Variants in CALN1 observed in about 807,000 individuals in gnomAD.
CALN1 encodes calcium-binding protein 8.
CALN1 carries 17 observed loss-of-function variants against 30.6 expected under a neutral mutation model. That is an observed-to-expected ratio of 0.56 (90% CI 0.38 to 0.83). The LOEUF (loss-of-function observed/expected upper bound fraction) is 0.83. Ranked by LOEUF, CALN1 falls within the 40% of genes least tolerant of loss-of-function variation. The pLI, the probability that CALN1 is intolerant of heterozygous loss-of-function variation, is 0.00. For missense variants in CALN1, 291 were observed against 354.9 expected (o/e 0.82, Z 1.45); for synonymous variants, 156 against 131.4 (o/e 1.19, Z -1.28).
intron 5 of CALN1, among the ~76,000 whole-genome samples, chr7:71,995,019 ATTTTTT>A (rs1799178421): frequency 2.6e-5 from 4 of 151,924 alleles, no homozygotes; most frequent in Non-Finnish European, 5.9e-5. Flanking sequence ...CACCTGGCTA[ATTTTTT>A]ATATTTTCAG....
At chr7:72,272,866 G>A (rs995411065) in intron 3 of CALN1, among the ~76,000 whole-genome samples, 4 of 152,050 alleles carry the variant, frequency 2.6e-5, no homozygotes, top group African/African-American at 9.7e-5. Flanking sequence ...CCGCAGCCAT[G>A]GGTTGGTATG....
intron 5 of CALN1, among the ~76,000 whole-genome samples, chr7:71,918,758 C>G (rs1048043182): frequency 6.6e-6 from 1 of 152,152 alleles, no homozygotes; most frequent in African/African-American, 2.4e-5. Context: ...TTCCTACTGT[C>G]CACCAAATGC....
chr7:72,047,797 A>G (rs1162232521), intron 4 of CALN1, among the ~76,000 whole-genome samples: 3 of 152,152 alleles, frequency 2.0e-5, no homozygotes, highest in African/African-American at 7.2e-5. Flanking sequence ...AACAGGGGGC[A>G]TGTGGGCACT....
chr7:72,433,122 C>T (rs1438274971), intron 1 of CALN1, among the ~76,000 whole-genome samples: 1 of 152,114 alleles, frequency 6.6e-6, no homozygotes, highest in Non-Finnish European at 1.5e-5. Flanking sequence ...GGTATAATTC[C>T]ATTTTCCTCT....
chr7:72,358,984 T>A (rs1384639247), intron 2 of CALN1, among the ~76,000 whole-genome samples: 2 of 151,360 alleles, frequency 1.3e-5, no homozygotes, highest in Non-Finnish European at 2.9e-5. Context: ...AAAAATTACA[T>A]TGGGTGCTAC....
intron 3 of CALN1, among the ~76,000 whole-genome samples, chr7:72,186,249 T>G (rs1037650065): frequency 2.6e-5 from 4 of 152,142 alleles, no homozygotes; most frequent in African/African-American, 9.7e-5. Context: ...CCTGTTATTT[T>G]AAGCCGCTCA....
At chr7:71,945,549 C>T (rs1796362469) in intron 5 of CALN1, among the ~76,000 whole-genome samples, 1 of 152,138 alleles carries the variant, frequency 6.6e-6, no homozygotes, top group East Asian at 1.9e-4. Flanking sequence ...AACATTGCCG[C>T]CTGAACTCTA....
In CALN1 at chr7:71,908,889, G is replaced by A. The variant is rs145458217; in HGVS notation, c.502-98397C>T. On this transcript the variant is annotated intron_variant, in intron 5 of 6. Coordinates refer to ENST00000395275, the MANE Select transcript of CALN1 (RefSeq NM_031468.4). Reference sequence around the variant, plus strand: ...TGTTCTTAATCTTCTATCCAGGGATGTCCTTTCAGGGATCCAGGGACGTCC... The same window carrying A: ...TGTTCTTAATCTTCTATCCAGGGATATCCTTTCAGGGATCCAGGGACGTCC... Among the ~76,000 whole-genome samples the A allele has an allele frequency of 2.1e-4, 32 of 152,276 alleles. No individual in the cohort carries two copies. The East Asian group carries it at 4.5e-3, about 21-fold the overall frequency.
intron 2 of CALN1, among the ~76,000 whole-genome samples, chr7:72,329,727 G>C (rs1801532505): frequency 6.6e-6 from 1 of 152,166 alleles, no homozygotes; most frequent in Admixed American, 6.5e-5. Context: ...GCTGAGGCAG[G>C]TGGATCACCT....
chr7:72,360,621 T>C (rs778510048), intron 2 of CALN1, among the ~76,000 whole-genome samples: 2 of 149,794 alleles, frequency 1.3e-5, no homozygotes, highest in East Asian at 2.0e-4. Flanking sequence ...TTTTTTATTA[T>C]ACTTTAAGTT....
At chr7:72,192,625 TTTATTATTATTA>T (rs140672013) in intron 3 of CALN1, among the ~76,000 whole-genome samples, 28,045 of 143,574 alleles carry the variant, frequency 0.2, 3,470 homozygotes, top group Middle Eastern at 0.31. Context: ...TCCCATTTCT[TTTATTATTATTA>T]TTATTATTAT....
rs184618369 is a variant in CALN1, at chr7:71,996,781, A to T, written c.501+26876T>A. Among the ~76,000 whole-genome samples the T allele has an allele frequency of 8.7e-3, 1,327 of 152,342 alleles. 11 individuals are homozygous for T. The highest frequency in any genetic ancestry group is 0.025 in the African/African-American group (1,028 of 41,582). The stretch of plus-strand genomic sequence containing the variant: ...TGCACATGTATCCTTAAAATAAAAT[A>T]AAATTAAATTAAAAAAAGAAGTCAC... On this transcript the variant is annotated intron_variant, in intron 5 of 6. Coordinates refer to ENST00000395275, the MANE Select transcript of CALN1 (RefSeq NM_031468.4).
At chr7:72,469,121 C>G in the CALN1 span, among the ~76,000 whole-genome samples, 3 of 152,100 alleles carry the variant, frequency 2.0e-5, no homozygotes, top group Admixed American at 1.3e-4. Context: ...ATCTAAGAAC[C>G]CACTGGTTCA....
chr7:72,483,571 C>T, the CALN1 span, among the ~76,000 whole-genome samples: 1 of 152,156 alleles, frequency 6.6e-6, no homozygotes, highest in Non-Finnish European at 1.5e-5. Flanking sequence ...AGGCGTGAGC[C>T]ACCACACCAA....
At chr7:72,221,216 G>A (rs1793264620) in intron 3 of CALN1, among the ~76,000 whole-genome samples, 1 of 151,786 alleles carries the variant, frequency 6.6e-6, no homozygotes, top group Non-Finnish European at 1.5e-5. Flanking sequence ...AAACAGAACT[G>A]ACCTATCAGG....
chr7:72,288,996 G>T (rs1798290005), intron 2 of CALN1, among the ~76,000 whole-genome samples: 1 of 152,116 alleles, frequency 6.6e-6, no homozygotes, highest in Non-Finnish European at 1.5e-5. Flanking sequence ...TAAATAAGGG[G>T]CTATAAATGG....
intron 4 of CALN1, among the ~76,000 whole-genome samples, chr7:72,092,394 G>C (rs527252484): frequency 1.3e-5 from 2 of 151,900 alleles, no homozygotes; most frequent in Non-Finnish European, 2.9e-5. Context: ...CACTTAAAAA[G>C]TAAGCTGTTC....
intron 5 of CALN1, among the ~76,000 whole-genome samples, chr7:71,938,150 A>T (rs999389975): frequency 6.6e-6 from 1 of 152,204 alleles, no homozygotes; most frequent in African/African-American, 2.4e-5. Flanking sequence ...TGGGGGCTGC[A>T]TTCTTCCCTG....
At chr7:72,336,337 G>A (rs1366729870) in intron 2 of CALN1, among the ~76,000 whole-genome samples, 4 of 152,160 alleles carry the variant, frequency 2.6e-5, no homozygotes, top group Non-Finnish European at 1.5e-5. Flanking sequence ...GCGGGCGGGG[G>A]CGCGCAGCCT....
Sources: allele counts gnomAD v4.1 joint callset (sites outside exome capture counted in the v4.1 genomes callset), GRCh38; gene constraint gnomAD v4.1.1; transcripts MANE v1.5; gene names NCBI Gene and HGNC (gene_info 2026-07-23, HGNC 2026-07-21).